The following HIBCH variants were observed in gnomAD, a reference collection of about 807,000 sequenced individuals.
The protein encoded by HIBCH is 3-hydroxyisobutyryl-CoA hydrolase.
HIBCH carries 50 observed loss-of-function variants against 58.2 expected under a neutral mutation model. That is an observed-to-expected ratio of 0.86 (90% CI 0.68 to 1.09). HIBCH has a LOEUF of 1.09. Ranked by LOEUF, HIBCH falls within the 50% of genes least tolerant of loss-of-function variation. The probability of loss-of-function intolerance (pLI) is 0.00; values close to 1 mark genes in which losing one functional copy is unlikely to be tolerated. For synonymous variants in HIBCH, 151 were observed against 146.9 expected, an observed-to-expected ratio of 1.03 and a Z score of -0.20; for missense variants, 450 against 449.7, an observed-to-expected ratio of 1.00 and a Z score of -0.01.
chr2:190,201,640 A>G (rs1690247359), downstream of HIBCH: 1 of 167,084 alleles, frequency 6.0e-6, no homozygotes, highest in African/African-American at 2.4e-5. Context: ...AAGTTACATA[A>G]GCAAGGAAAA....
At position 190,206,401 on chromosome 2, in the gene HIBCH, T is replaced by C. The variant is rs188218925; in HGVS notation, c.1046-1169A>G. Among the ~76,000 whole-genome samples the C allele has an allele frequency of 2.0e-5, 3 of 152,336 alleles. No homozygotes were observed. The highest frequency in any genetic ancestry group is 6.5e-5 in the Admixed American group (1 of 15,304). On this transcript the variant is annotated intron_variant, in intron 13 of 13. Coordinates refer to ENST00000359678, the MANE Select transcript of HIBCH (RefSeq NM_014362.4). The surrounding 1 kb of genome is among the most constrained non-coding windows in gnomAD (Gnocchi z 5.1). The stretch of plus-strand genomic sequence containing the variant: ...AGAATCTCTCTCACTCTAAGTCTTC[T>C]GGTCAATACTACCTGTCTCCTTGAG...
intron 6 of HIBCH, among the ~76,000 whole-genome samples, chr2:190,271,154 T>C (rs111614588): frequency 1.9e-4 from 29 of 152,036 alleles, no homozygotes; most frequent in African/African-American, 7.0e-4. Context: ...TGGCCCAGCC[T>C]AGACACCTGA....
In HIBCH at chr2:190,197,732, C is replaced by T. The variant is rs995549830; in HGVS notation, c.*17+7368G>A. ...GTTGCTCTATGCCTGAAAATAATGG[C>T]AACATATATTTTGTCTGGTTTTAAA... On this transcript the variant is annotated intron_variant, in intron 1 of 1. Transcript: ENST00000399855. This position sits in a 1 kb window ranked among gnomAD's most constrained non-coding sequence, Gnocchi z 4.0. Among the ~76,000 whole-genome samples the T allele has an allele frequency of 2.6e-5, 4 of 152,156 alleles. No homozygotes were observed. Among genetic ancestry groups the T allele is most frequent in the Non-Finnish European group, 4.4e-5 (3 of 68,030 alleles).
rs1690353715 is a variant in HIBCH at position 190,204,966 on chromosome 2, T to G, written c.*151A>C. ...CTGATAATTTTCACGTCATGAATTA[T>G]TAGTCTTTGATTTCTTTTCCCAACC... On this transcript the variant is annotated 3_prime_UTR_variant, in exon 14 of 14. Coordinates refer to ENST00000359678, the MANE Select transcript of HIBCH (RefSeq NM_014362.4). 3 of 657,648 alleles carry G rather than the reference T, an allele frequency of 4.6e-6. No homozygotes were observed. Among genetic ancestry groups the G allele is most frequent in the Non-Finnish European group, 8.3e-6 (3 of 363,340 alleles). The allele number at this position is 657,648 out of a possible 1,614,324, so 40.7% of individuals were successfully genotyped here. A position where few individuals can be genotyped will look rare whatever the true frequency, so the allele number is the denominator to read the frequency against.
At chr2:190,308,505 C>T (rs1688474153) in intron 2 of HIBCH, among the ~76,000 whole-genome samples, 1 of 152,050 alleles carries the variant, frequency 6.6e-6, no homozygotes, top group East Asian at 1.9e-4. Context: ...AGTTAATGAA[C>T]CAATGGGTTA....
At chr2:190,248,243 T>C (rs1238658877) in intron 9 of HIBCH, among the ~76,000 whole-genome samples, 1 of 152,210 alleles carries the variant, frequency 6.6e-6, no homozygotes, top group African/African-American at 2.4e-5. Flanking sequence ...CTAATGTCAG[T>C]TGCAAGTTAT....
intron 6 of HIBCH, among the ~76,000 whole-genome samples, chr2:190,275,901 T>C (rs1286466097): frequency 2.0e-5 from 3 of 152,206 alleles, no homozygotes; most frequent in Admixed American, 6.5e-5. Flanking sequence ...CTGAGCAAAC[T>C]TTCCATCCGA....
At chr2:190,309,581 G>C (rs1688506505) in intron 2 of HIBCH, among the ~76,000 whole-genome samples, 1 of 149,588 alleles carries the variant, frequency 6.7e-6, no homozygotes, top group Non-Finnish European at 1.5e-5. Flanking sequence ...TTTTAAGACA[G>C]AGTCTCGCTC....
At position 190,296,072 on chromosome 2, in the gene HIBCH, T is replaced by C. The variant is rs74515384; in HGVS notation, c.219+741A>G. ...TAAGTCCTGTTTTTCTACTATTCCA[T>C]GCTGCTCACTTAGGAAAGTTTACGG... On this transcript the variant is annotated intron_variant, in intron 3 of 13. Transcript: ENST00000359678. 5.4e-3 allele frequency among the ~76,000 whole-genome samples: 827 copies of C among 152,304 alleles called. 5 individuals carry two copies. The highest frequency in any genetic ancestry group is 0.019 in the African/African-American group (785 of 41,568).
At chr2:190,198,679 T>C (rs1690095149) in intron 1 of HIBCH, among the ~76,000 whole-genome samples, 1 of 148,704 alleles carries the variant, frequency 6.7e-6, no homozygotes, top group Admixed American at 6.7e-5. Context: ...ACAGATTTTA[T>C]GAATTTTTAG....
At chr2:190,191,239 T>C (rs1689695166) in intron 1 of HIBCH, among the ~76,000 whole-genome samples, 1 of 152,110 alleles carries the variant, frequency 6.6e-6, no homozygotes, top group African/African-American at 2.4e-5. Flanking sequence ...GCCTCCTGGA[T>C]TCAGGTGATT....
intron 2 of HIBCH, among the ~76,000 whole-genome samples, chr2:190,300,865 G>A (rs1210677137): frequency 6.6e-6 from 1 of 152,142 alleles, no homozygotes; most frequent in Non-Finnish European, 1.5e-5. Context: ...TCCATTCTCT[G>A]CATCTGGCTA....
rs1688351051 is a variant in HIBCH at position 190,304,418 on chromosome 2, G to T, written c.78+6336C>A. 6.6e-6 allele frequency among the ~76,000 whole-genome samples: 1 copy of T among 152,140 alleles called. No homozygotes were observed. The highest frequency in any genetic ancestry group is 2.4e-5 in the African/African-American group (1 of 41,418). On this transcript the variant is annotated intron_variant, in intron 2 of 13. Coordinates refer to ENST00000359678, the MANE Select transcript of HIBCH (RefSeq NM_014362.4). This position sits in a 1 kb window ranked among gnomAD's most constrained non-coding sequence, Gnocchi z 4.1. The stretch of plus-strand genomic sequence containing the variant: ...CAAGGAAGCTAAGCATGCTAGCTCA[G>T]ATCTCTCTTACTTGTCTTATAAAGC...
At chr2:190,262,305 C>T (rs1687112422) in intron 6 of HIBCH, among the ~76,000 whole-genome samples, 1 of 152,194 alleles carries the variant, frequency 6.6e-6, no homozygotes. Context: ...CTCAAGCCCA[C>T]ACCTGCAGTC....
At chr2:190,218,540 C>T (rs934707550) in intron 11 of HIBCH, among the ~76,000 whole-genome samples, 4 of 152,094 alleles carry the variant, frequency 2.6e-5, no homozygotes, top group African/African-American at 9.7e-5. Flanking sequence ...CTTCCTTTAA[C>T]CCACCAGACA....
rs1227989823 is a variant in HIBCH at position 190,204,031 on chromosome 2, CAAAA to C, written c.*1082_*1085del. 2 of 151,702 alleles carry C rather than the reference CAAAA, an allele frequency of 1.3e-5. No individual in the cohort carries two copies. Among genetic ancestry groups the C allele is most frequent in the African/African-American group, 4.8e-5 (2 of 41,338 alleles). 9.4% of individuals were successfully genotyped at this position (151,702 alleles called of 1,614,324 possible). On this transcript the variant is annotated 3_prime_UTR_variant, in exon 14 of 14. Transcript: ENST00000359678. ...TTTAAAATTAAACAAAAATTACAAA[CAAAA>C]AACAAAATCATAAATTTTGTTTACT...
At chr2:190,193,084 A>G (rs1315753596) in intron 1 of HIBCH, among the ~76,000 whole-genome samples, 1 of 152,132 alleles carries the variant, frequency 6.6e-6, no homozygotes, top group Non-Finnish European at 1.5e-5. Context: ...TGCTCCTGTC[A>G]TAGGGAAAAA....
intron 7 of HIBCH, chr2:190,260,486 T>A (rs1196477387): frequency 1.3e-5 from 2 of 152,218 alleles, no homozygotes; most frequent in African/African-American, 4.8e-5. Flanking sequence ...ATCTGCAGGC[T>A]TTTTTGTTGA....
chr2:190,264,356 G>A (rs1010427762), intron 6 of HIBCH, among the ~76,000 whole-genome samples: 20 of 150,892 alleles, frequency 1.3e-4, no homozygotes, highest in Non-Finnish European at 1.5e-4. Context: ...TAGTACGTTC[G>A]CAAGCATATA....
Sources: allele counts gnomAD v4.1 joint callset (sites outside exome capture counted in the v4.1 genomes callset), GRCh38; gene constraint gnomAD v4.1.1; non-coding constraint Gnocchi (gnomAD v3.1); transcripts MANE v1.5; gene names NCBI Gene and HGNC (gene_info 2026-07-23, HGNC 2026-07-21).